Variants in RANBP3 observed in about 807,000 individuals in gnomAD.
The protein encoded by RANBP3 is ran-binding protein 3.
Under a neutral mutation model 77.3 loss-of-function variants are expected in RANBP3, and 14 were observed. The ratio of observed to expected loss-of-function variants is 0.18; its 90% CI spans 0.12 to 0.28. RANBP3 has a LOEUF of 0.28. RANBP3 is among the 10% of genes least tolerant of loss of function. The pLI, the probability that RANBP3 is intolerant of heterozygous loss-of-function variation, is 1.00. For synonymous variants in RANBP3, 315 were observed against 312.4 expected (o/e 1.01, Z -0.09); for missense variants, 586 against 752.3 (o/e 0.78, Z 2.59).
chr19:5,940,974 A>G (rs548557001), intron 5 of RANBP3, among the ~76,000 whole-genome samples: 2 of 152,334 alleles, frequency 1.3e-5, no homozygotes, highest in South Asian at 4.1e-4. Flanking sequence ...ATGAGTCCCC[A>G]GGCCGACCTC....
At position 5,921,152 on chromosome 19, in the gene RANBP3, A is replaced by C. The variant is rs955265488; in HGVS notation, c.1330+49T>G. ...TTCCCTTTGGAATTGCATAGTCCCC[A>C]GCCCTCCCCATGGGGACCCGGCCAC... On this transcript the variant is annotated intron_variant, in intron 14 of 16. Coordinates refer to ENST00000340578, the MANE Select transcript of RANBP3 (RefSeq NM_007322.3). The surrounding 1 kb of genome is among the most constrained non-coding windows in gnomAD (Gnocchi z 5.3). 2 of 1,585,564 alleles carry C rather than the reference A, an allele frequency of 1.3e-6. No individual in the cohort carries two copies. Among genetic ancestry groups the C allele is most frequent in the Non-Finnish European group, 1.7e-6 (2 of 1,167,790 alleles).
intron 5 of RANBP3, chr19:5,935,873 C>T (rs150609586): frequency 9.7e-5 from 44 of 453,550 alleles, no homozygotes; most frequent in African/African-American, 7.4e-4. Context: ...GCTGCTGAAT[C>T]ATGGCCAGAG....
intron 3 of RANBP3, among the ~76,000 whole-genome samples, 177 bp downstream of exon 3, chr19:5,951,216 C>T (rs1357871566): frequency 6.6e-6 from 1 of 152,178 alleles, no homozygotes; most frequent in Non-Finnish European, 1.5e-5. Context: ...TCGATCTTCC[C>T]TGACTTTTCA....
intron 15 of RANBP3, 31 bp downstream of exon 15, chr19:5,918,465 G>C: frequency 1.3e-6 from 2 of 1,573,444 alleles, no homozygotes; most frequent in Non-Finnish European, 1.7e-6. Context: ...CAGGATGAGG[G>C]GTCCCAGATG....
At chr19:5,919,806 C>G (rs940078004) in intron 14 of RANBP3, among the ~76,000 whole-genome samples, 1 of 150,378 alleles carries the variant, frequency 6.6e-6, no homozygotes, top group Non-Finnish European at 1.5e-5. Flanking sequence ...GAGGCCGAGG[C>G]AGGAGAATCG....
At chr19:5,955,767 C>T (rs2058328063) in intron 2 of RANBP3, among the ~76,000 whole-genome samples, 1 of 152,180 alleles carries the variant, frequency 6.6e-6, no homozygotes, top group Non-Finnish European at 1.5e-5. Context: ...CGGTCTCTGT[C>T]CAAATACTAC....
chr19:5,937,267 C>A (rs1279606932), intron 5 of RANBP3, among the ~76,000 whole-genome samples: 1 of 152,000 alleles, frequency 6.6e-6, no homozygotes, highest in Non-Finnish European at 1.5e-5. Context: ...TGGCAGACAG[C>A]ACCCTGATCG....
chr19:5,918,677 C>A, intron 14 of RANBP3, 39 bp from the exon 15 acceptor site: 1 of 1,601,242 alleles, frequency 6.2e-7, no homozygotes, highest in Non-Finnish European at 8.5e-7. Context: ...GCCCCCACAC[C>A]GGCCCCCTCA....
At chr19:5,947,022 G>A (rs992063218) in intron 3 of RANBP3, among the ~76,000 whole-genome samples, 6 of 152,160 alleles carry the variant, frequency 3.9e-5, no homozygotes, top group African/African-American at 1.4e-4. Flanking sequence ...GATTTTAAGA[G>A]CAAGCTCCAG....
chr19:5,932,559 C>A lies in RANBP3; in HGVS notation c.473-15G>T. On this transcript the variant is annotated splice_polypyrimidine_tract_variant and intron_variant, in intron 6 of 16. Coordinates refer to ENST00000340578, the MANE Select transcript of RANBP3 (RefSeq NM_007322.3). ...GCTTGGCAGACCTAGGAACAGAAGGCGGCCTTCCCAGTGCCCGTGGACCCC... is the reference window on the plus strand; with the variant it reads ...GCTTGGCAGACCTAGGAACAGAAGGAGGCCTTCCCAGTGCCCGTGGACCCC... 1.9e-6 allele frequency: 3 copies of A among 1,611,562 alleles called. No individual in the cohort carries two copies. Among genetic ancestry groups the A allele is most frequent in the Non-Finnish European group, 2.5e-6 (3 of 1,178,600 alleles).
intron 1 of RANBP3, among the ~76,000 whole-genome samples, chr19:5,962,420 T>TCG (rs201298727): frequency 0.033 from 5,047 of 152,236 alleles, 146 homozygotes; most frequent in Non-Finnish European, 0.05. Flanking sequence ...AAGTGGGGCC[T>TCG]CGTCTGTTCC....
intron 12 of RANBP3, 129 bp downstream of exon 12, chr19:5,923,683 G>C: frequency 1.4e-6 from 1 of 695,004 alleles, no homozygotes; most frequent in East Asian, 2.7e-5. Context: ...CCTGGAGCTG[G>C]TTCACATGTG....
rs971092766 is a variant in RANBP3, at chr19:5,964,455, C to T, written c.23-6482G>A. On this transcript the variant is annotated intron_variant, in intron 1 of 16. Coordinates refer to ENST00000340578, the MANE Select transcript of RANBP3 (RefSeq NM_007322.3). ...CTAATATTCCCTCAGCAATTCCACACATCCCAGCACCCACTGTGCACTAAG... is the reference window on the plus strand; with the variant it reads ...CTAATATTCCCTCAGCAATTCCACATATCCCAGCACCCACTGTGCACTAAG... Among the ~76,000 whole-genome samples, 12 of 152,298 alleles carry T rather than the reference C, an allele frequency of 7.9e-5. No individual in the cohort carries two copies. The East Asian group carries it at 1.9e-3, about 24-fold the overall frequency.
rs532655798 is a variant in RANBP3, at chr19:5,952,272, G to A, written c.79-676C>T. The stretch of plus-strand genomic sequence containing the variant: ...CGGGTAGTTCAGATGAAGGAGGGGG[G>A]CAAATCCACAGAGCCCCTCAGCCTA... On this transcript the variant is annotated intron_variant, in intron 2 of 16. Transcript: ENST00000340578. This position sits in a 1 kb window ranked among gnomAD's most constrained non-coding sequence, Gnocchi z 4.1. Among the ~76,000 whole-genome samples the A allele has an allele frequency of 6.6e-6, 1 of 152,092 alleles. No homozygotes were observed. Among genetic ancestry groups the A allele is most frequent in the African/African-American group, 2.4e-5 (1 of 41,406 alleles).
intron 3 of RANBP3, among the ~76,000 whole-genome samples, chr19:5,947,042 G>A (rs936402553): frequency 8.5e-5 from 13 of 152,170 alleles, no homozygotes; most frequent in African/African-American, 2.2e-4. Flanking sequence ...GGCCGGGCAC[G>A]GTGGCTCATG....
Position 5,958,021 on chromosome 19 carries a change from C to G in RANBP3, c.23-48G>C. ...TTTTCCCCCCAACACTATATGCATA[C>G]AGTAAACAAAGCTACACTTGTTTGT... On this transcript the variant is annotated intron_variant, in intron 1 of 16. Transcript: ENST00000340578. This position sits in a 1 kb window ranked among gnomAD's most constrained non-coding sequence, Gnocchi z 4.4. 6.6e-7 allele frequency: 1 copy of G among 1,519,658 alleles called. No homozygotes were observed. Among genetic ancestry groups the G allele is most frequent in the African/African-American group, 1.4e-5 (1 of 72,894 alleles). The allele number at this position is 1,519,658 out of a possible 1,614,324, so 94.1% of individuals were successfully genotyped here.
intron 1 of RANBP3, among the ~76,000 whole-genome samples, chr19:5,975,007 C>A (rs2058573717): frequency 6.6e-6 from 1 of 152,174 alleles, no homozygotes; most frequent in South Asian, 2.1e-4. Flanking sequence ...AAGGCAGAAG[C>A]CAAGAGGGCA....
At chr19:5,946,164 T>C (rs557756561) in intron 3 of RANBP3, among the ~76,000 whole-genome samples, 1 of 152,338 alleles carries the variant, frequency 6.6e-6, no homozygotes, top group South Asian at 2.1e-4. Context: ...GCTCACTCCC[T>C]ATCCCAGCCC....
intron 12 of RANBP3, 106 bp downstream of exon 12, chr19:5,923,706 G>T: frequency 1.2e-6 from 1 of 816,778 alleles, no homozygotes; most frequent in Non-Finnish European, 2.0e-6. Context: ...TGTTACTGCT[G>T]CGGGAGTCGG....
Sources: gnomAD v4.1 joint callset for allele counts (sites outside exome capture counted in the v4.1 genomes callset) on GRCh38, gnomAD v4.1.1 for gene constraint, Gnocchi (gnomAD v3.1) non-coding constraint, MANE v1.5 for transcripts, NCBI Gene and HGNC (gene_info 2026-07-23, HGNC 2026-07-21) for gene names.